The following KIF18A variants were observed in gnomAD, a reference collection of about 807,000 sequenced individuals.
KIF18A encodes kinesin-like protein KIF18A.
KIF18A carries 67 observed loss-of-function variants against 103.3 expected under a neutral mutation model. The ratio of observed to expected loss-of-function variants is 0.65; its 90% CI spans 0.53 to 0.79. The LOEUF (loss-of-function observed/expected upper bound fraction) is 0.79, where lower values mean the gene tolerates loss of function less well. Among genes scored for constraint, KIF18A ranks in the 30% least tolerant of loss-of-function variants. KIF18A has a pLI of 0.00. For missense variants in KIF18A, 1,032 were observed against 1,062.5 expected (o/e 0.97, Z 0.40); for synonymous variants, 367 against 355.5 (o/e 1.03, Z -0.36).
intron 13 of KIF18A, among the ~76,000 whole-genome samples, chr11:28,055,988 T>C (rs1156553647): frequency 6.6e-6 from 1 of 152,064 alleles, no homozygotes; most frequent in Non-Finnish European, 1.5e-5. Flanking sequence ...ATATATAAAA[T>C]AATACAGCAT....
Position 28,036,672 on chromosome 11 carries a change from A to T in KIF18A, c.1949-8T>A. The T allele has an allele frequency of 3.3e-6, 5 of 1,511,378 alleles. No homozygotes were observed. Among genetic ancestry groups the T allele is most frequent in the Non-Finnish European group, 4.5e-6 (5 of 1,121,124 alleles). The allele number at this position is 1,511,378 out of a possible 1,614,324, so 93.6% of individuals were successfully genotyped here. A position where few individuals can be genotyped will look rare whatever the true frequency, so the allele number is the denominator to read the frequency against. On this transcript the variant is annotated splice_region_variant and splice_polypyrimidine_tract_variant and intron_variant, in intron 13 of 16. Transcript: ENST00000263181. ...TTCCACCTGAAGATGAGCCTATTCA[A>T]AAAAATAAAAAAAGACACTCGATAA...
chr11:28,023,246 A>G (rs987996802), intron 16 of KIF18A, among the ~76,000 whole-genome samples: 3 of 152,176 alleles, frequency 2.0e-5, no homozygotes, highest in Non-Finnish European at 4.4e-5. Context: ...GGAAAGATCC[A>G]TCAGTATCTT....
In KIF18A at chr11:28,091,436, C is replaced by G. The variant is rs756750175; in HGVS notation, c.561G>C (p.Val187=). Residue 187 remains valine (V), a synonymous_variant, in exon 4 of 17, where the codon GTG becomes GTC. Coordinates refer to ENST00000263181, the MANE Select transcript of KIF18A (RefSeq NM_031217.4). The part of the protein sequence containing the change: ...LAVREDTQKG[V]VVHGLTLHQP... ...GGTGTAAAGTAAGTCCATGAACGAC[C>G]ACCCCTTTTTGGGTATCTTCCCGGA... is the stretch of plus-strand genomic sequence containing the variant. 6 of 1,608,078 alleles carry G rather than the reference C, an allele frequency of 3.7e-6. No homozygotes were observed. Among genetic ancestry groups the G allele is most frequent in the African/African-American group, 1.3e-5 (1 of 74,794 alleles).
intron 1 of KIF18A, among the ~76,000 whole-genome samples, chr11:28,102,649 G>T (rs1181068032): frequency 1.3e-5 from 2 of 152,158 alleles, no homozygotes; most frequent in African/African-American, 4.8e-5. Flanking sequence ...ACAACTAGTT[G>T]CATATTTTAA....
At chr11:28,089,951 A>G (rs1177775844) in intron 5 of KIF18A, among the ~76,000 whole-genome samples, 1 of 152,200 alleles carries the variant, frequency 6.6e-6, no homozygotes, top group Non-Finnish European at 1.5e-5. Flanking sequence ...GGTAAGAACA[A>G]AAAAGATTAA....
chr11:28,036,968 T>C lies in KIF18A; in HGVS notation c.1949-304A>G, dbSNP rs117698845. Among the ~76,000 whole-genome samples, 809 of 151,706 alleles carry C rather than the reference T, an allele frequency of 5.3e-3. 2 individuals are homozygous for C. The highest frequency in any genetic ancestry group is 6.8e-3 in the Non-Finnish European group (461 of 67,702). On this transcript the variant is annotated intron_variant, in intron 13 of 16. Coordinates refer to ENST00000263181, the MANE Select transcript of KIF18A (RefSeq NM_031217.4). ...GAAACAAATTATCAATCAATTCCAATAAAATTCACAATTTCTAGCTTTCAT... is the reference window on the plus strand; with the variant it reads ...GAAACAAATTATCAATCAATTCCAACAAAATTCACAATTTCTAGCTTTCAT...
At chr11:28,021,329 C>T in intron 16 of KIF18A, 47 bp from the exon 17 acceptor site, 2 of 1,256,482 alleles carry the variant, frequency 1.6e-6, no homozygotes, top group Non-Finnish European at 2.0e-6. Flanking sequence ...AAATATCATT[C>T]AAAAAGTTTT....
chr11:28,027,169 T>C (rs1375698391), intron 15 of KIF18A, among the ~76,000 whole-genome samples: 1 of 151,788 alleles, frequency 6.6e-6, no homozygotes, highest in Non-Finnish European at 1.5e-5. Context: ...AAGAGTCATT[T>C]TAAGGTCTTC....
At chr11:28,069,783 C>T (rs1411255727) in intron 10 of KIF18A, among the ~76,000 whole-genome samples, 2 of 151,828 alleles carry the variant, frequency 1.3e-5, no homozygotes, top group Non-Finnish European at 2.9e-5. Flanking sequence ...GATCTCCTTA[C>T]TCAAAATCAA....
Position 28,076,859 on chromosome 11 carries a change from G to A in KIF18A, c.1425+148C>T, listed in dbSNP as rs113638035. ...TGAGGCAGGAGAATTGCTTGAATCC[G>A]GAAGGCAGAGGTTGCAGTGAGCTGA... On this transcript the variant is annotated intron_variant, in intron 10 of 16. Transcript: ENST00000263181. 548 of 412,336 alleles carry A rather than the reference G, an allele frequency of 1.3e-3. 1 individual carries two copies. Among genetic ancestry groups the A allele is most frequent in the African/African-American group, 0.01 (471 of 46,694 alleles). The allele number at this position is 412,336 out of a possible 1,614,324, so 25.5% of individuals were successfully genotyped here.
chr11:28,061,779 T>G (rs980719562), intron 12 of KIF18A, among the ~76,000 whole-genome samples: 1 of 152,086 alleles, frequency 6.6e-6, no homozygotes, highest in Non-Finnish European at 1.5e-5. Context: ...GAAATAAATA[T>G]CCCATTTGCA....
chr11:28,072,646 T>C (rs1052775713), intron 10 of KIF18A, among the ~76,000 whole-genome samples: 2 of 151,628 alleles, frequency 1.3e-5, no homozygotes, highest in African/African-American at 4.8e-5. Flanking sequence ...CCTAGTCTCA[T>C]AAGAATAGCT....
intron 6 of KIF18A, among the ~76,000 whole-genome samples, chr11:28,086,437 T>TA (rs1337827738): frequency 6.6e-6 from 1 of 152,246 alleles, no homozygotes; most frequent in Non-Finnish European, 1.5e-5. Flanking sequence ...TAAATTTTGT[T>TA]AAGTTTTGTT....
At chr11:28,050,197 T>C (rs1037456802) in intron 13 of KIF18A, among the ~76,000 whole-genome samples, 1 of 151,764 alleles carries the variant, frequency 6.6e-6, no homozygotes, top group Non-Finnish European at 1.5e-5. Flanking sequence ...TTACCAAAGA[T>C]GGAAAAGAAG....
chr11:28,062,824 G>A (rs1309494147), intron 11 of KIF18A, among the ~76,000 whole-genome samples: 1 of 152,018 alleles, frequency 6.6e-6, no homozygotes, highest in East Asian at 1.9e-4. Context: ...ACCAGTTTTT[G>A]CTTAAATGTC....
chr11:28,063,366 T>C (rs537118322), intron 11 of KIF18A, among the ~76,000 whole-genome samples: 32 of 152,014 alleles, frequency 2.1e-4, no homozygotes, highest in Non-Finnish European at 3.5e-4. Context: ...AAGAAAAATA[T>C]CCTTTATATA....
rs766644368 is a variant in KIF18A at position 28,088,520 on chromosome 11, C to T, written c.897+4G>A. 7 of 1,606,194 alleles carry T rather than the reference C, an allele frequency of 4.4e-6. No homozygotes were observed. The highest frequency in any genetic ancestry group is 1.3e-5 in the African/African-American group (1 of 74,826). On this transcript the variant is annotated splice_donor_region_variant and intron_variant, in intron 6 of 16. Coordinates refer to ENST00000263181, the MANE Select transcript of KIF18A (RefSeq NM_031217.4). ...TATTTAACAAATAAACATATAATGC[C>T]TACCTTTGAATCTGCTAAGGCATTG...
chr11:28,026,403 T>G (rs1850321653), intron 15 of KIF18A, among the ~76,000 whole-genome samples: 1 of 151,760 alleles, frequency 6.6e-6, no homozygotes, highest in Non-Finnish European at 1.5e-5. Context: ...TAACTTTAAT[T>G]GGGGAAAAAG....
chr11:28,101,428 C>T (rs1361603538), intron 1 of KIF18A, among the ~76,000 whole-genome samples: 5 of 152,082 alleles, frequency 3.3e-5, no homozygotes, highest in Non-Finnish European at 7.4e-5. Flanking sequence ...GAGGATATCC[C>T]TCCCTAATTA....
Sources: gnomAD v4.1 joint callset for allele counts (sites outside exome capture counted in the v4.1 genomes callset) on GRCh38, gnomAD v4.1.1 for gene constraint, MANE v1.5 for transcripts, NCBI Gene and HGNC (gene_info 2026-07-23, HGNC 2026-07-21) for gene names.